SH2D4A: variants seen among roughly 807,000 people sequenced by gnomAD.
SH2D4A encodes SH2 domain containing 4A.
In SH2D4A, 70 loss-of-function variants were observed where a neutral mutation model predicts 64.7. The ratio of observed to expected loss-of-function variants is 1.08; its 90% CI spans 0.89 to 1.32. SH2D4A has a LOEUF of 1.32. Among genes scored for constraint, SH2D4A ranks in the 40% most tolerant of loss-of-function variants. SH2D4A has a pLI of 0.00. For missense variants in SH2D4A, 706 were observed against 540.1 expected, an observed-to-expected ratio of 1.31 and a Z score of -3.04; for synonymous variants, 268 against 200.7, an observed-to-expected ratio of 1.34 and a Z score of -2.83.
rs1279310774 is a variant in SH2D4A at position 19,377,267 on chromosome 8, A to G, written c.1048+3607A>G. Among the ~76,000 whole-genome samples, 3 of 152,184 alleles carry G rather than the reference A, an allele frequency of 2.0e-5. 1 individual carries two copies. On this transcript the variant is annotated intron_variant, in intron 8 of 9. Coordinates refer to ENST00000265807, the MANE Select transcript of SH2D4A (RefSeq NM_022071.4). ...TGTGGTGGCAGGCACCTGTAGTTCCAGCTACTTGGGAGGCTGAGGCAGGAG... is the reference window on the plus strand; with the variant it reads ...TGTGGTGGCAGGCACCTGTAGTTCCGGCTACTTGGGAGGCTGAGGCAGGAG...
chr8:19,384,562 C>T (rs930605523), intron 8 of SH2D4A, among the ~76,000 whole-genome samples: 3 of 152,098 alleles, frequency 2.0e-5, no homozygotes, highest in East Asian at 1.9e-4. Flanking sequence ...TAAGAAAGAC[C>T]TTACAGTCTG....
intron 8 of SH2D4A, among the ~76,000 whole-genome samples, chr8:19,391,493 C>T (rs942705530): frequency 1.1e-4 from 17 of 152,100 alleles, no homozygotes; most frequent in Admixed American, 2.6e-4. Flanking sequence ...GAGCCACTGC[C>T]CCTAGGAGCA....
chr8:19,355,200 A>G (rs1010058984), intron 4 of SH2D4A, among the ~76,000 whole-genome samples: 1 of 152,218 alleles, frequency 6.6e-6, no homozygotes, highest in African/African-American at 2.4e-5. Context: ...TTCAAATATA[A>G]GAAACATCCT....
intron 4 of SH2D4A, among the ~76,000 whole-genome samples, chr8:19,342,298 T>C (rs1380277069): frequency 6.6e-6 from 1 of 152,252 alleles, no homozygotes; most frequent in African/African-American, 2.4e-5. Context: ...TTTGAGCTTA[T>C]GTAGAACTTG....
At position 19,395,126 on chromosome 8, in the gene SH2D4A, T is replaced by C. The variant is rs2053566741; in HGVS notation, c.*484T>C. On this transcript the variant is annotated 3_prime_UTR_variant, in exon 10 of 10. Coordinates refer to ENST00000265807, the MANE Select transcript of SH2D4A (RefSeq NM_022071.4). ...TGATGCTTAAAACACACCTCACTTA[T>C]TGTACATGTTGGAACCAGGACATGA... The C allele has an allele frequency of 6.6e-6, 1 of 152,196 alleles. No homozygotes were observed. The highest frequency in any genetic ancestry group is 1.5e-5 in the Non-Finnish European group (1 of 68,068). 9.4% of individuals were successfully genotyped at this position (152,196 alleles called of 1,614,324 possible).
intron 5 of SH2D4A, 132 bp downstream of exon 5, chr8:19,357,415 G>A (rs938538349): frequency 1.2e-4 from 89 of 717,222 alleles, no homozygotes; most frequent in Middle Eastern, 4.9e-4. Flanking sequence ...CCTAAAAGCT[G>A]CAAACACAGT....
chr8:19,334,996 C>T, intron 4 of SH2D4A, 139 bp downstream of exon 4: 1 of 1,054,930 alleles, frequency 9.5e-7, no homozygotes, highest in Non-Finnish European at 1.3e-6. Context: ...ACTTTAAGAT[C>T]CTCCAGGGCA....
At chr8:19,335,978 T>G (rs2052439357) in intron 4 of SH2D4A, among the ~76,000 whole-genome samples, 1 of 152,220 alleles carries the variant, frequency 6.6e-6, no homozygotes, top group Non-Finnish European at 1.5e-5. Flanking sequence ...TGTGTGTGCT[T>G]TTGACTTCTT....
At chr8:19,391,838 G>A (rs964119659) in intron 8 of SH2D4A, among the ~76,000 whole-genome samples, 1 of 152,224 alleles carries the variant, frequency 6.6e-6, no homozygotes, top group Non-Finnish European at 1.5e-5. Flanking sequence ...GGCTATGGCA[G>A]CCCCTTGCCT....
At chr8:19,313,922 G>T in intron 1 of SH2D4A, 99 bp downstream of exon 1, 1 of 1,314,472 alleles carries the variant, frequency 7.6e-7, no homozygotes, top group Non-Finnish European at 9.7e-7. Context: ...TGCATGGGAG[G>T]CGCAGGGGCC....
intron 1 of SH2D4A, among the ~76,000 whole-genome samples, chr8:19,315,498 A>G (rs891136973): frequency 6.6e-6 from 1 of 152,218 alleles, no homozygotes; most frequent in Non-Finnish European, 1.5e-5. Flanking sequence ...TAGGTCTCAG[A>G]GTTATTCAAA....
Position 19,352,084 on chromosome 8 carries a change from A to G in SH2D4A, c.514-5119A>G, listed in dbSNP as rs369969543. Among the ~76,000 whole-genome samples, 35 of 152,316 alleles carry G rather than the reference A, an allele frequency of 2.3e-4. No homozygotes were observed. The East Asian group carries it at 5.2e-3, about 23-fold the overall frequency. ...AGGCCTGAGCCACCGCCTCCAGCCT[A>G]TAACCCTACTTATAAACAAAGGGAA... On this transcript the variant is annotated intron_variant, in intron 4 of 9. Transcript: ENST00000265807.
intron 7 of SH2D4A, among the ~76,000 whole-genome samples, chr8:19,368,415 T>C (rs185825982): frequency 2.8e-4 from 42 of 152,302 alleles, no homozygotes; most frequent in African/African-American, 1.0e-3. Flanking sequence ...GGTATTTTGA[T>C]AGGAATTACA....
rs2052656547 is a variant in SH2D4A at position 19,349,010 on chromosome 8, C to T, written c.514-8193C>T. ...AAATAGAGATCATGTGCTTCCGAAACACAAGCTAGAATTTCGAGGATTGAA... is the reference window on the plus strand; with the variant it reads ...AAATAGAGATCATGTGCTTCCGAAATACAAGCTAGAATTTCGAGGATTGAA... On this transcript the variant is annotated intron_variant, in intron 4 of 9. Coordinates refer to ENST00000265807, the MANE Select transcript of SH2D4A (RefSeq NM_022071.4). Among the ~76,000 whole-genome samples the T allele has an allele frequency of 3.9e-5, 6 of 152,128 alleles. No homozygotes were observed. In the South Asian group the frequency reaches 1.2e-3, roughly 32 times the overall value.
chr8:19,385,272 C>T (rs1268884415), intron 8 of SH2D4A, among the ~76,000 whole-genome samples: 3 of 150,492 alleles, frequency 2.0e-5, no homozygotes, highest in East Asian at 2.0e-4. Context: ...TGCAGTGATG[C>T]GATCTCAGCT....
chr8:19,390,009 G>A (rs1335831766), intron 8 of SH2D4A, among the ~76,000 whole-genome samples: 1 of 152,216 alleles, frequency 6.6e-6, no homozygotes, highest in Admixed American at 6.5e-5. Context: ...TTTAGGGGCT[G>A]GGATGAAGAC....
chr8:19,319,697 G>A lies in SH2D4A; in HGVS notation c.150G>A (p.Glu50=), dbSNP rs1415146519. ...GAGAAGCAGCTATGGAAAGAAAGGA[G>A]TCCCTGCCAGTGAAACCCAGACCAA... The part of the protein sequence containing the change: ...KEREAAMERK[E]SLPVKPRPKK... Residue 50 remains glutamate, a synonymous_variant, in exon 2 of 10, where the codon GAG becomes GAA. Coordinates refer to ENST00000265807, the MANE Select transcript of SH2D4A (RefSeq NM_022071.4). 1.3e-6 allele frequency: 2 copies of A among 1,599,380 alleles called. No individual in the cohort carries two copies. The highest frequency in any genetic ancestry group is 1.7e-4 in the Middle Eastern group (1 of 5,986).
chr8:19,335,498 T>C (rs1451792315), intron 4 of SH2D4A, among the ~76,000 whole-genome samples: 2 of 152,202 alleles, frequency 1.3e-5, no homozygotes, highest in Non-Finnish European at 2.9e-5. Flanking sequence ...TGGCAAACAT[T>C]TTCTGTAAAG....
chr8:19,333,277 G>T (rs982035211), intron 3 of SH2D4A, among the ~76,000 whole-genome samples, 163 bp downstream of exon 3: 1 of 152,108 alleles, frequency 6.6e-6, no homozygotes, highest in Non-Finnish European at 1.5e-5. Flanking sequence ...TAGACTTTTG[G>T]TCTAAAGACC....
Sources: allele counts gnomAD v4.1 joint callset (sites outside exome capture counted in the v4.1 genomes callset), GRCh38; gene constraint gnomAD v4.1.1; transcripts MANE v1.5; gene names NCBI Gene and HGNC (gene_info 2026-07-23, HGNC 2026-07-21).